STIM1: variants seen among roughly 807,000 people sequenced by gnomAD.
STIM1 encodes stromal interaction molecule 1.
A neutral mutation model predicts 74.7 loss-of-function variants in STIM1; 25 were observed. The ratio of observed to expected loss-of-function variants is 0.33; its 90% CI spans 0.24 to 0.47. The LOEUF is 0.47. Ranked by LOEUF, STIM1 falls within the 20% of genes least tolerant of loss-of-function variation. The pLI is 1.00. For synonymous variants in STIM1, 328 were observed against 348.8 expected, an observed-to-expected ratio of 0.94 and a Z score of 0.66; for missense variants, 728 against 920.8, an observed-to-expected ratio of 0.79 and a Z score of 2.71.
chr11:3,952,985 T>C (rs1181139867), intron 1 of STIM1, among the ~76,000 whole-genome samples: 2 of 152,182 alleles, frequency 1.3e-5, no homozygotes, highest in Non-Finnish European at 2.9e-5. Context: ...CTGTAGGGAT[T>C]AGCCATTTTC....
chr11:4,050,157 G>C (rs767915426), intron 3 of STIM1, among the ~76,000 whole-genome samples: 5 of 152,178 alleles, frequency 3.3e-5, no homozygotes, highest in African/African-American at 9.7e-5. Flanking sequence ...TTTGGGTTAT[G>C]TACTCATCCC....
intron 2 of STIM1, among the ~76,000 whole-genome samples, chr11:4,012,903 A>T (rs143050227): frequency 6.6e-6 from 1 of 152,186 alleles, no homozygotes; most frequent in Admixed American, 6.5e-5. Flanking sequence ...TGTTCCATCA[A>T]TACCTAGTTT....
At chr11:3,986,569 C>G (rs550083851) in intron 2 of STIM1, among the ~76,000 whole-genome samples, 17 of 152,104 alleles carry the variant, frequency 1.1e-4, no homozygotes, top group Non-Finnish European at 1.9e-4. Flanking sequence ...GAAGGTATGT[C>G]AGGAGCAGGT....
At chr11:3,909,027 C>T (rs2092516079) in intron 1 of STIM1, among the ~76,000 whole-genome samples, 1 of 152,194 alleles carries the variant, frequency 6.6e-6, no homozygotes, top group South Asian at 2.1e-4. Context: ...GAAAGACCTT[C>T]TTTCCCTAGT....
At chr11:4,033,720 C>T (rs981826207) in intron 3 of STIM1, among the ~76,000 whole-genome samples, 5 of 151,852 alleles carry the variant, frequency 3.3e-5, no homozygotes, top group South Asian at 2.1e-4. Context: ...CTCAGCCTCC[C>T]GAGTAGCTGG....
chr11:4,024,849 G>A (rs1158649270), intron 3 of STIM1, among the ~76,000 whole-genome samples: 1 of 152,084 alleles, frequency 6.6e-6, no homozygotes, highest in Non-Finnish European at 1.5e-5. Context: ...GTCTAATTGT[G>A]CGAGACTTGA....
intron 1 of STIM1, among the ~76,000 whole-genome samples, chr11:3,875,754 AC>A: frequency 6.6e-6 from 1 of 151,950 alleles, no homozygotes; most frequent in South Asian, 2.1e-4. Flanking sequence ...AAAAACAACA[AC>A]AAAAAAATCA....
At chr11:3,933,477 A>G (rs555380897) in intron 1 of STIM1, among the ~76,000 whole-genome samples, 2 of 152,078 alleles carry the variant, frequency 1.3e-5, no homozygotes, top group South Asian at 4.2e-4. Context: ...TTTAGGTCCA[A>G]CTCTAAAGTC....
At chr11:3,975,032 A>G (rs1222026082) in intron 2 of STIM1, among the ~76,000 whole-genome samples, 4 of 152,210 alleles carry the variant, frequency 2.6e-5, no homozygotes, top group Non-Finnish European at 5.9e-5. Flanking sequence ...AAAGCCAGGC[A>G]CTATTCGAAG....
chr11:3,863,219 CAT>C lies in STIM1; in HGVS notation c.139+6811_139+6812del, dbSNP rs879481483. 1.6e-3 allele frequency among the ~76,000 whole-genome samples: 167 copies of C among 103,970 alleles called. 1 individual carries two copies. The highest frequency in any genetic ancestry group is 3.4e-3 in the South Asian group (10 of 2,946). 68.2% of individuals were successfully genotyped at this position (103,970 alleles called of 152,430 possible). A position where few individuals can be genotyped will look rare whatever the true frequency, so the allele number is the denominator to read the frequency against. On this transcript the variant is annotated intron_variant, in intron 1 of 12. Transcript: ENST00000526596. ...ACACACGTATATATTTGAGACAATG[CAT>C]GTGTGTGTGTGTGTGTGTGTGTGTG...
intron 2 of STIM1, among the ~76,000 whole-genome samples, chr11:3,979,816 A>G (rs775777624): frequency 1.3e-5 from 2 of 151,998 alleles, no homozygotes; most frequent in Non-Finnish European, 1.5e-5. Flanking sequence ...TAAACATTTT[A>G]TGTTTATTTC....
chr11:3,909,939 G>A (rs577719819), intron 1 of STIM1, among the ~76,000 whole-genome samples: 53 of 152,258 alleles, frequency 3.5e-4, no homozygotes, highest in African/African-American at 1.3e-3. Context: ...AGGAAATAAT[G>A]AAAATATGAG....
intron 1 of STIM1, among the ~76,000 whole-genome samples, chr11:3,897,197 G>A (rs1055451453): frequency 1.3e-5 from 2 of 152,156 alleles, no homozygotes; most frequent in Non-Finnish European, 2.9e-5. Context: ...AAGTTACTTT[G>A]TATCTTGTGG....
chr11:3,877,502 C>A (rs550654891), intron 1 of STIM1, among the ~76,000 whole-genome samples: 2 of 152,234 alleles, frequency 1.3e-5, no homozygotes, highest in East Asian at 3.9e-4. Context: ...ATCCCCTATC[C>A]CCACCCTGCC....
At chr11:3,941,944 G>A (rs757333436) in intron 1 of STIM1, among the ~76,000 whole-genome samples, 1 of 151,970 alleles carries the variant, frequency 6.6e-6, no homozygotes, top group Non-Finnish European at 1.5e-5. Context: ...CTCTGCCTCC[G>A]AAAGTTCTGG....
At position 4,091,490 on chromosome 11, in the gene STIM1, C is replaced by T; in HGVS notation, c.1843C>T (p.Leu615=). The change falls in exon 13 of 13, where the codon CTG becomes TTG. Residue 615 remains leucine (L), a synonymous_variant. Transcript: ENST00000526596. ...CCCTGCCCTGGCCAAGAAGGCATTA[C>T]TGGCGCTGAACCATGGGCTGGACAA... ...DSPALAKKAL[L]ALNHGLDKAH... 2 of 1,614,180 alleles carry T rather than the reference C, an allele frequency of 1.2e-6. No individual in the cohort carries two copies. Among genetic ancestry groups the T allele is most frequent in the Non-Finnish European group, 1.7e-6 (2 of 1,180,020 alleles).
intron 4 of STIM1, among the ~76,000 whole-genome samples, chr11:4,058,506 T>A (rs1394735046): frequency 6.6e-6 from 1 of 152,246 alleles, no homozygotes; most frequent in Non-Finnish European, 1.5e-5. Flanking sequence ...AATTAAGTGC[T>A]TACTTGTGGG....
chr11:3,989,491 T>A (rs2093588847), intron 2 of STIM1: 2 of 645,380 alleles, frequency 3.1e-6, no homozygotes, highest in South Asian at 1.5e-5. Flanking sequence ...GCGTGCGGGA[T>A]GTCTGTGAGC....
At chr11:3,876,251 G>C (rs2091303712) in intron 1 of STIM1, among the ~76,000 whole-genome samples, 1 of 152,218 alleles carries the variant, frequency 6.6e-6, no homozygotes, top group Non-Finnish European at 1.5e-5. Flanking sequence ...TTTGGTTTAA[G>C]ATATGGCTAG....
Sources: gnomAD v4.1 joint callset for allele counts (sites outside exome capture counted in the v4.1 genomes callset) on GRCh38, gnomAD v4.1.1 for gene constraint, MANE v1.5 for transcripts, NCBI Gene and HGNC (gene_info 2026-07-23, HGNC 2026-07-21) for gene names.